The following GSTK1 variants were observed in gnomAD, a reference collection of about 807,000 sequenced individuals.
GSTK1 encodes the protein GST class-kappa.
In GSTK1, 25 loss-of-function variants were observed where a neutral mutation model predicts 30.9. That is an observed-to-expected ratio of 0.81 (90% CI 0.59 to 1.13). The LOEUF (loss-of-function observed/expected upper bound fraction) is 1.13, where lower values mean the gene tolerates loss of function less well. Among genes scored for constraint, GSTK1 ranks in the 50% most tolerant of loss-of-function variants. The pLI, the probability that GSTK1 is intolerant of heterozygous loss-of-function variation, is 0.00. For synonymous variants in GSTK1, 108 were observed against 112.5 expected (o/e 0.96, Z 0.25); for missense variants, 292 against 292.4 (o/e 1.00, Z 0.01).
chr7:143,264,632 C>T lies in GSTK1; in HGVS notation c.239C>T (p.Pro80Leu). 6.2e-7 allele frequency: 1 copy of T among 1,614,078 alleles called. No individual in the cohort carries two copies. Among genetic ancestry groups the T allele is most frequent in the Non-Finnish European group, 8.5e-7 (1 of 1,179,966 alleles). ...LKLLRHHLQI[P>L]IHFPKDFLSV... ...CTCCTGAGACACCATCTCCAGATTC[C>T]CATCCACTTCCCCAAGGATTTCTTG... Residue 80 changes from proline to leucine, a missense_variant, in exon 3 of 8, where the codon CCC becomes CTC. Pro to Leu is a moderately conservative substitution (Grantham distance 98). Coordinates refer to ENST00000358406, the MANE Select transcript of GSTK1 (RefSeq NM_015917.3).
chr7:143,263,911 C>A, intron 1 of GSTK1, 175 bp from the exon 2 acceptor site: 1 of 630,272 alleles, frequency 1.6e-6, no homozygotes, highest in Non-Finnish European at 2.8e-6. Flanking sequence ...GCCACAGGAG[C>A]GAAGATCCTG....
rs1463726897 is a variant in GSTK1, at chr7:143,267,514, C to T, written c.421-103C>T. The T allele has an allele frequency of 8.0e-6, 7 of 871,016 alleles. No homozygotes were observed. In the East Asian group the frequency reaches 1.7e-4, roughly 21 times the overall value. The allele number at this position is 871,016 out of a possible 1,614,324, so 54.0% of individuals were successfully genotyped here. A position where few individuals can be genotyped will look rare whatever the true frequency, so the allele number is the denominator to read the frequency against. On this transcript the variant is annotated intron_variant, in intron 5 of 7. Coordinates refer to ENST00000358406, the MANE Select transcript of GSTK1 (RefSeq NM_015917.3). ...ACTTGTGGGTGGGTAAGGGCATTGC[C>T]AGCAAAACTTGGGGGCAGAAAATAA... is the stretch of plus-strand genomic sequence containing the variant.
At chr7:143,265,412 G>A in intron 5 of GSTK1, 116 bp downstream of exon 5, 1 of 925,174 alleles carries the variant, frequency 1.1e-6, no homozygotes, top group Non-Finnish European at 1.6e-6. Context: ...TAATTACTGG[G>A]GAAGAAAGGA....
chr7:143,265,061 C>A lies in GSTK1; in HGVS notation c.353C>A (p.Ser118Tyr). 1 of 1,614,160 alleles carries A rather than the reference C, an allele frequency of 6.2e-7. No homozygotes were observed. The highest frequency in any genetic ancestry group is 8.5e-7 in the Non-Finnish European group (1 of 1,180,042). The change falls in exon 4 of 8, where the codon TCC (serine) becomes TAC (tyrosine). Residue 118 changes from serine to tyrosine, a missense_variant. Coordinates refer to ENST00000358406, the MANE Select transcript of GSTK1 (RefSeq NM_015917.3). Reference protein sequence around the residue: ...LEHPEMLEKASRELWMRVWSR... With the variant: ...LEHPEMLEKAYRELWMRVWSR... ...CATCCAGAGATGCTGGAGAAAGCGTCCCGGGAGCTGTGGATGCGCGTCTGG... is the reference window on the plus strand; with the variant it reads ...CATCCAGAGATGCTGGAGAAAGCGTACCGGGAGCTGTGGATGCGCGTCTGG...
In GSTK1 at chr7:143,264,860, T is replaced by C. The variant is rs1258376702; in HGVS notation, c.284-132T>C. Reference sequence around the variant, plus strand: ...ATGAAAGGGAAGAAGAGCAGGCAAATAGGTCATGGGAACCTTGGGTGAGAG... The same window carrying C: ...ATGAAAGGGAAGAAGAGCAGGCAAACAGGTCATGGGAACCTTGGGTGAGAG... On this transcript the variant is annotated intron_variant, in intron 3 of 7. Coordinates refer to ENST00000358406, the MANE Select transcript of GSTK1 (RefSeq NM_015917.3). The C allele has an allele frequency of 2.7e-5, 34 of 1,250,138 alleles. No homozygotes were observed. The Middle Eastern group carries it at 9.7e-4, about 36-fold the overall frequency. 77.4% of individuals were successfully genotyped at this position (1,250,138 alleles called of 1,614,324 possible). A position where few individuals can be genotyped will look rare whatever the true frequency, so the allele number is the denominator to read the frequency against.
Position 143,269,075 on chromosome 7 carries a change from T to G in GSTK1, c.*238T>G. The G allele has an allele frequency of 1.8e-6, 1 of 555,940 alleles. No homozygotes were observed. Among genetic ancestry groups the G allele is most frequent in the Non-Finnish European group, 3.2e-6 (1 of 309,948 alleles). 34.4% of individuals were successfully genotyped at this position (555,940 alleles called of 1,614,324 possible). ...AGTGCCTTTCAGAGAGCCCCAATTC[T>G]GCTTTCCCACAAAATAAACCTAATG... is the stretch of plus-strand genomic sequence containing the variant. On this transcript the variant is annotated 3_prime_UTR_variant, in exon 8 of 8. Coordinates refer to ENST00000358406, the MANE Select transcript of GSTK1 (RefSeq NM_015917.3).
At position 143,268,003 on chromosome 7, in the gene GSTK1, C is replaced by T. The variant is rs917341344; in HGVS notation, c.538-88C>T. On this transcript the variant is annotated intron_variant, in intron 6 of 7. Coordinates refer to ENST00000358406, the MANE Select transcript of GSTK1 (RefSeq NM_015917.3). This position sits in a 1 kb window ranked among gnomAD's most constrained non-coding sequence, Gnocchi z 4.1. ...TCTTAGACCTCTTTGCTTCTGTGAA[C>T]TCAGAAAAGTACTGACTCAAAGGTT... 8.8e-6 allele frequency: 9 copies of T among 1,020,752 alleles called. No individual in the cohort carries two copies. The allele number at this position is 1,020,752 out of a possible 1,614,324, so 63.2% of individuals were successfully genotyped here.
At position 143,264,183 on chromosome 7, in the gene GSTK1, C is replaced by T. The variant is rs1219929816; in HGVS notation, c.154+16C>T. ...AAAGACAGTGGTAGGAAGGGAGGGT[C>T]GGGGCAGGGGTGATCTCAGTGGCCC... On this transcript the variant is annotated intron_variant, in intron 2 of 7. Coordinates refer to ENST00000358406, the MANE Select transcript of GSTK1 (RefSeq NM_015917.3). The T allele has an allele frequency of 1.9e-6, 3 of 1,607,222 alleles. No individual in the cohort carries two copies. The highest frequency in any genetic ancestry group is 2.6e-6 in the Non-Finnish European group (3 of 1,173,976).
In GSTK1 at chr7:143,267,682, A is replaced by G. The variant is rs2116704897; in HGVS notation, c.486A>G (p.Pro162=). 1 of 1,614,162 alleles carries G rather than the reference A, an allele frequency of 6.2e-7. No individual in the cohort carries two copies. The highest frequency in any genetic ancestry group is 1.3e-5 in the African/African-American group (1 of 75,070). The change falls in exon 6 of 8, where the codon CCA becomes CCG. Residue 162 remains proline, a synonymous_variant. Coordinates refer to ENST00000358406, the MANE Select transcript of GSTK1 (RefSeq NM_015917.3). The part of the protein sequence containing the change: ...AQGLLEKIAT[P]KVKNQLKETT... ...GACTTCTGGAAAAGATCGCAACGCCAAAGGTGAAGAACCAGCTCAAGGAGA... is the reference window on the plus strand; with the variant it reads ...GACTTCTGGAAAAGATCGCAACGCCGAAGGTGAAGAACCAGCTCAAGGAGA...
rs768439438 is a variant in GSTK1, at chr7:143,263,463, G to T, written c.-51G>T. 1.3e-6 allele frequency: 2 copies of T among 1,551,130 alleles called. No individual in the cohort carries two copies. Among genetic ancestry groups the T allele is most frequent in the Admixed American group, 3.3e-5 (2 of 59,944 alleles). On this transcript the variant is annotated 5_prime_UTR_variant, in exon 1 of 8. Transcript: ENST00000358406. ...CCCAGAAGCTGGGCAGCCTCTGCCG[G>T]GTTCCGGGAAAAGGAGCTCCTGCTG...
At chr7:143,265,123 AG>A in intron 4 of GSTK1, 31 bp downstream of exon 4, 1 of 1,613,922 alleles carries the variant, frequency 6.2e-7, no homozygotes, top group Non-Finnish European at 8.5e-7. Context: ...ATCCTCTGGG[AG>A]GACCTTGGAT....
At chr7:143,263,639 A>AG in intron 1 of GSTK1, 54 bp downstream of exon 1, 1 of 1,527,648 alleles carries the variant, frequency 6.5e-7, no homozygotes, top group Non-Finnish European at 9.0e-7. Flanking sequence ...GGCGGAGGGA[A>AG]GAGTGAGCGC....
At chr7:143,267,781 G>C in intron 6 of GSTK1, 48 bp downstream of exon 6, 2 of 1,312,366 alleles carry the variant, frequency 1.5e-6, no homozygotes, top group South Asian at 2.4e-5. Flanking sequence ...TGAAGATGGA[G>C]ACTTGAGAAT....
intron 4 of GSTK1, 44 bp from the exon 5 acceptor site, chr7:143,265,217 C>T (rs776516600): frequency 2.5e-6 from 4 of 1,605,464 alleles, no homozygotes; most frequent in Non-Finnish European, 3.4e-6. Context: ...CCAGTCACAC[C>T]CCTCTCCCCG....
intron 2 of GSTK1, 66 bp from the exon 3 acceptor site, chr7:143,264,482 C>T: frequency 2.6e-6 from 4 of 1,560,136 alleles, no homozygotes; most frequent in Non-Finnish European, 2.6e-6. Flanking sequence ...AAACCCACGT[C>T]GAGGTCCCCA....
intron 6 of GSTK1, 97 bp downstream of exon 6, chr7:143,267,830 C>A: frequency 1.2e-6 from 1 of 862,424 alleles, no homozygotes; most frequent in South Asian, 1.4e-5. Context: ...ACAAAAGCCC[C>A]CTTTCCAAGT....
intron 4 of GSTK1, 68 bp from the exon 5 acceptor site, chr7:143,265,193 G>A: frequency 1.9e-6 from 3 of 1,606,806 alleles, no homozygotes; most frequent in Admixed American, 3.4e-5. Flanking sequence ...CCGCCCGGGG[G>A]ATCTACTGTC....
At position 143,267,707 on chromosome 7, in the gene GSTK1, A is replaced by G; in HGVS notation, c.511A>G (p.Thr171Ala). The stretch of plus-strand genomic sequence containing the variant: ...AAAGGTGAAGAACCAGCTCAAGGAG[A>G]CCACTGAGGCAGCCTGCAGATACGG... Reference protein sequence around the residue: ...TPKVKNQLKETTEAACRYGAF... With the variant: ...TPKVKNQLKEATEAACRYGAF... The change falls in exon 6 of 8, where the codon ACC becomes GCC. Residue 171 changes from threonine to alanine, a missense_variant. Physicochemically the swap from Thr to Ala is moderately conservative, Grantham distance 58. Transcript: ENST00000358406. The G allele has an allele frequency of 6.2e-7, 1 of 1,613,716 alleles. No homozygotes were observed. Among genetic ancestry groups the G allele is most frequent in the South Asian group, 1.1e-5 (1 of 91,080 alleles).
In GSTK1 at chr7:143,265,315, C is replaced by A. The variant is rs1242568852; in HGVS notation, c.420+19C>A. The A allele has an allele frequency of 1.3e-6, 2 of 1,584,596 alleles. No homozygotes were observed. The highest frequency in any genetic ancestry group is 1.7e-6 in the Non-Finnish European group (2 of 1,163,960). On this transcript the variant is annotated intron_variant, in intron 5 of 7. Coordinates refer to ENST00000358406, the MANE Select transcript of GSTK1 (RefSeq NM_015917.3). Reference sequence around the variant, plus strand: ...CCTGGCGGTGAGTGTCCTGGCTCCACCCCAACTGCACTCATAGAGAATCTG... The same window carrying A: ...CCTGGCGGTGAGTGTCCTGGCTCCAACCCAACTGCACTCATAGAGAATCTG...
Sources: allele counts gnomAD v4.1 joint callset, GRCh38; gene constraint gnomAD v4.1.1; non-coding constraint Gnocchi (gnomAD v3.1); transcripts MANE v1.5; gene names NCBI Gene and HGNC (gene_info 2026-07-23, HGNC 2026-07-21).